The following SLC25A41 variants were observed in gnomAD, a reference collection of about 807,000 sequenced individuals.
SLC25A41 encodes the protein mitochondrial carrier protein SCaMC-3L.
Under a neutral mutation model 34.7 loss-of-function variants are expected in SLC25A41, and 35 were observed. The ratio of observed to expected loss-of-function variants is 1.01; its 90% CI spans 0.77 to 1.34. SLC25A41 has a LOEUF of 1.34. Ranked by LOEUF, SLC25A41 falls within the 40% of genes most tolerant of loss-of-function variation. The pLI, the probability that SLC25A41 is intolerant of heterozygous loss-of-function variation, is 0.00. For synonymous variants in SLC25A41, 190 were observed against 209.9 expected, an observed-to-expected ratio of 0.91 and a Z score of 0.82; for missense variants, 492 against 489.8, an observed-to-expected ratio of 1.00 and a Z score of -0.04.
chr19:6,427,590 GA>G lies in SLC25A41; in HGVS notation c.625-90del. On this transcript the variant is annotated intron_variant, in intron 4 of 6. Transcript: ENST00000321510. The surrounding 1 kb of genome is among the most constrained non-coding windows in gnomAD (Gnocchi z 4.9). ...CCATTGTCCCCACCCTACAAACAAG[GA>G]AAATGAGGCTCAGGAAGGCAAAGAG... 7.4e-7 allele frequency: 1 copy of G among 1,359,674 alleles called. No homozygotes were observed. The highest frequency in any genetic ancestry group is 9.6e-7 in the Non-Finnish European group (1 of 1,037,052). The allele number at this position is 1,359,674 out of a possible 1,614,324, so 84.2% of individuals were successfully genotyped here. A position where few individuals can be genotyped will look rare whatever the true frequency, so the allele number is the denominator to read the frequency against.
rs778829458 is a variant in SLC25A41, at chr19:6,429,705, G to C, written c.624+19C>G. On this transcript the variant is annotated intron_variant, in intron 4 of 6. Coordinates refer to ENST00000321510, the MANE Select transcript of SLC25A41 (RefSeq NM_173637.4). The stretch of plus-strand genomic sequence containing the variant: ...GTTTCCACGGCGTTTCCTCACCTGC[G>C]GGGCACATGCTCTCTTACCTCCATG... 1 of 1,538,908 alleles carries C rather than the reference G, an allele frequency of 6.5e-7. No homozygotes were observed. The highest frequency in any genetic ancestry group is 1.4e-5 in the African/African-American group (1 of 71,210).
rs1172156538 is a variant in SLC25A41 at position 6,427,562 on chromosome 19, TA to T, written c.625-62del. On this transcript the variant is annotated intron_variant, in intron 4 of 6. Transcript: ENST00000321510. The surrounding 1 kb of genome is among the most constrained non-coding windows in gnomAD (Gnocchi z 4.9). The stretch of plus-strand genomic sequence containing the variant: ...TGAATCCTGTCAATGACCCTCGGGG[TA>T]GCCATTGTCCCCACCCTACAAACAA... 2 of 1,431,888 alleles carry T rather than the reference TA, an allele frequency of 1.4e-6. No homozygotes were observed. Among genetic ancestry groups the T allele is most frequent in the Middle Eastern group, 2.2e-4 (1 of 4,628 alleles). The allele number at this position is 1,431,888 out of a possible 1,614,324, so 88.7% of individuals were successfully genotyped here.
upstream of SLC25A41, among the ~76,000 whole-genome samples, chr19:6,434,226 A>G (rs1025282063): frequency 1.3e-5 from 2 of 152,156 alleles, no homozygotes; most frequent in African/African-American, 4.8e-5. Context: ...TACAGGCGTG[A>G]GCCACTGCTT....
In SLC25A41 at chr19:6,427,166, T is replaced by C; in HGVS notation, c.877A>G (p.Thr293Ala). Reference sequence around the variant, plus strand: ...TAGCTGGCCATCTGGCCACAGGTCGTGGATAGCGTCACAGACGACAGACTG... The same window carrying C: ...TAGCTGGCCATCTGGCCACAGGTCGCGGATAGCGTCACAGACGACAGACTG... The part of the protein sequence containing the change: ...LVSLSSVTLS[T>A]TCGQMASYPL... The change falls in exon 6 of 7, where the codon ACG (threonine) becomes GCG (alanine). Residue 293 changes from threonine to alanine, a missense_variant. Coordinates refer to ENST00000321510, the MANE Select transcript of SLC25A41 (RefSeq NM_173637.4). The surrounding 1 kb of genome is among the most constrained non-coding windows in gnomAD (Gnocchi z 4.9). The C allele has an allele frequency of 6.2e-7, 1 of 1,611,726 alleles. No homozygotes were observed. Among genetic ancestry groups the C allele is most frequent in the Non-Finnish European group, 8.5e-7 (1 of 1,179,438 alleles).
chr19:6,426,753 G>A (rs1283289223), intron 6 of SLC25A41, among the ~76,000 whole-genome samples, 192 bp from the exon 7 acceptor site: 2 of 152,152 alleles, frequency 1.3e-5, no homozygotes, highest in East Asian at 1.9e-4. Context: ...GTAGTTATCA[G>A]GATTAATTTT....
In SLC25A41 at chr19:6,427,208, C is replaced by T. The variant is rs555349719; in HGVS notation, c.835G>A (p.Asp279Asn). ...GACAGACTGACCAGGCCACTGGGGT[C>T]CCCCATATCCCTGCCTGACTTCACC... ...FWVKSGRDMG[D>N]PSGLVSLSSV... Residue 279 changes from aspartate to asparagine, a missense_variant, in exon 6 of 7, where the codon GAC becomes AAC. Transcript: ENST00000321510. This position sits in a 1 kb window ranked among gnomAD's most constrained non-coding sequence, Gnocchi z 4.9. 6 of 1,612,610 alleles carry T rather than the reference C, an allele frequency of 3.7e-6. No individual in the cohort carries two copies. Among genetic ancestry groups the T allele is most frequent in the East Asian group, 4.5e-5 (2 of 44,878 alleles).
rs751566833 is a variant in SLC25A41 at position 6,433,498 on chromosome 19, G to T, written c.196C>A (p.Pro66Thr). The T allele has an allele frequency of 1.9e-6, 3 of 1,612,668 alleles. No individual in the cohort carries two copies. The highest frequency in any genetic ancestry group is 1.7e-6 in the Non-Finnish European group (2 of 1,179,848). Residue 66 changes from proline (P) to threonine (T), a missense_variant, in exon 1 of 7, where the codon CCG becomes ACG. Transcript: ENST00000321510. ...TTTCCTAAACTCACCTGCTGTGACG[G>T]GAGATGTTCAAGGTTGTTGTCATGC... ...HMHDNNLEHLPSQQVLDTGEQ... is the reference protein window; with the variant it reads ...HMHDNNLEHLTSQQVLDTGEQ...
intron 4 of SLC25A41, 133 bp downstream of exon 4, chr19:6,429,581 AGGTGAACGGG>A: frequency 2.2e-6 from 1 of 456,742 alleles, no homozygotes; most frequent in African/African-American, 3.4e-5. Flanking sequence ...GAGGAGGAAG[AGGTGAACGGG>A]GAGGAGGGAG....
chr19:6,427,261 A>AG lies in SLC25A41; in HGVS notation c.793-12dup. Reference sequence around the variant, plus strand: ...GAAGCACTGGAGCATCTGCAAGAGAAGGGGGCCAGGAGAAAGCTCACTAGG... The same window carrying AG: ...GAAGCACTGGAGCATCTGCAAGAGAAGGGGGGCCAGGAGAAAGCTCACTAGG... On this transcript the variant is annotated splice_polypyrimidine_tract_variant and intron_variant, in intron 5 of 6. Coordinates refer to ENST00000321510, the MANE Select transcript of SLC25A41 (RefSeq NM_173637.4). This position sits in a 1 kb window ranked among gnomAD's most constrained non-coding sequence, Gnocchi z 4.9. The AG allele has an allele frequency of 6.2e-7, 1 of 1,612,156 alleles. No individual in the cohort carries two copies. The highest frequency in any genetic ancestry group is 2.2e-5 in the East Asian group (1 of 44,872).
At chr19:6,435,086 TG>T (rs2092302652), upstream of SLC25A41, among the ~76,000 whole-genome samples, 1 of 151,738 alleles carries the variant, frequency 6.6e-6, no homozygotes, top group South Asian at 2.1e-4. Context: ...TAGCTGGGCA[TG>T]GTGGTCCATG....
At chr19:6,428,235 G>C (rs1029699389) in intron 4 of SLC25A41, among the ~76,000 whole-genome samples, 1 of 151,944 alleles carries the variant, frequency 6.6e-6, no homozygotes, top group African/African-American at 2.4e-5. Flanking sequence ...TGGGCAACAT[G>C]GCGAAACCCT....
chr19:6,434,728 G>A (rs1218792842), upstream of SLC25A41, among the ~76,000 whole-genome samples: 3 of 152,074 alleles, frequency 2.0e-5, no homozygotes, highest in Admixed American at 2.0e-4. Context: ...GACTAACATA[G>A]TGAAACCCAG....
At chr19:6,434,561 T>G (rs1399111515), upstream of SLC25A41, among the ~76,000 whole-genome samples, 1 of 152,202 alleles carries the variant, frequency 6.6e-6, no homozygotes, top group Non-Finnish European at 1.5e-5. Context: ...TATAGCAGCC[T>G]GGGCTGACTT....
At chr19:6,429,057 ATGTTAT>A (rs2092259903) in intron 4 of SLC25A41, among the ~76,000 whole-genome samples, 1 of 38,438 alleles carries the variant, frequency 2.6e-5, no homozygotes, top group African/African-American at 1.4e-4. Flanking sequence ...TATTATATAT[ATGTTAT>A]ATATATATAT....
At chr19:6,434,971 G>C (rs111987015), upstream of SLC25A41, among the ~76,000 whole-genome samples, 2,811 of 151,684 alleles carry the variant, frequency 0.019, 39 homozygotes, top group South Asian at 0.038. Context: ...TCCTATAATA[G>C]CAGCACTTTG....
At position 6,426,244 on chromosome 19, in the gene SLC25A41, A is replaced by C; in HGVS notation, c.*145T>G. On this transcript the variant is annotated 3_prime_UTR_variant, in exon 7 of 7. Coordinates refer to ENST00000321510, the MANE Select transcript of SLC25A41 (RefSeq NM_173637.4). ...CAGCTTCAGGAATCTTCTGACCCAGAGCCCCACCCCCACCCCCAGCCTGCT... is the reference window on the plus strand; with the variant it reads ...CAGCTTCAGGAATCTTCTGACCCAGCGCCCCACCCCCACCCCCAGCCTGCT... 8.8e-5 allele frequency: 34 copies of C among 386,956 alleles called. No individual in the cohort carries two copies. The highest frequency in any genetic ancestry group is 1.3e-4 in the East Asian group (2 of 15,924). The allele number at this position is 386,956 out of a possible 1,614,324, so 24.0% of individuals were successfully genotyped here.
rs2092239040 is a variant in SLC25A41 at position 6,426,258 on chromosome 19, C to T, written c.*131G>A. On this transcript the variant is annotated 3_prime_UTR_variant, in exon 7 of 7. Coordinates refer to ENST00000321510, the MANE Select transcript of SLC25A41 (RefSeq NM_173637.4). Reference sequence around the variant, plus strand: ...TTCTGACCCAGAGCCCCACCCCCACCCCCAGCCTGCTTTTGCCACCAAAAA... The same window carrying T: ...TTCTGACCCAGAGCCCCACCCCCACTCCCAGCCTGCTTTTGCCACCAAAAA... The T allele has an allele frequency of 3.0e-6, 2 of 672,502 alleles. No homozygotes were observed. The highest frequency in any genetic ancestry group is 1.8e-5 in the African/African-American group (1 of 55,238). The allele number at this position is 672,502 out of a possible 1,614,324, so 41.7% of individuals were successfully genotyped here.
chr19:6,426,633 G>A, intron 6 of SLC25A41, 72 bp from the exon 7 acceptor site: 1 of 1,551,812 alleles, frequency 6.4e-7, no homozygotes, highest in Non-Finnish European at 8.8e-7. Flanking sequence ...GAATGTTGCG[G>A]ACAGGTGCTG....
rs2092249447 is a variant in SLC25A41, at chr19:6,427,523, G to A, written c.625-22C>T. 1 of 1,483,060 alleles carries A rather than the reference G, an allele frequency of 6.7e-7. No homozygotes were observed. The highest frequency in any genetic ancestry group is 1.4e-5 in the African/African-American group (1 of 71,688). The allele number at this position is 1,483,060 out of a possible 1,614,324, so 91.9% of individuals were successfully genotyped here. A position where few individuals can be genotyped will look rare whatever the true frequency, so the allele number is the denominator to read the frequency against. Reference sequence around the variant, plus strand: ...GCACCTGAGGATGGCGGGGAACAAGGCAGCTCATTTGATTGAATCCTGTCA... The same window carrying A: ...GCACCTGAGGATGGCGGGGAACAAGACAGCTCATTTGATTGAATCCTGTCA... On this transcript the variant is annotated intron_variant, in intron 4 of 6. Coordinates refer to ENST00000321510, the MANE Select transcript of SLC25A41 (RefSeq NM_173637.4). This position sits in a 1 kb window ranked among gnomAD's most constrained non-coding sequence, Gnocchi z 4.9.
Sources: allele counts gnomAD v4.1 joint callset (sites outside exome capture counted in the v4.1 genomes callset), GRCh38; gene constraint gnomAD v4.1.1; non-coding constraint Gnocchi (gnomAD v3.1); transcripts MANE v1.5; gene names NCBI Gene and HGNC (gene_info 2026-07-23, HGNC 2026-07-21).